The following TTLL11 variants were observed in gnomAD, a reference collection of about 807,000 sequenced individuals.
The protein encoded by TTLL11 is tubulin tyrosine ligase like 11, also known as tubulin polyglutamylase TTLL11.
TTLL11 carries 42 observed loss-of-function variants against 51.7 expected under a neutral mutation model. The ratio of observed to expected loss-of-function variants is 0.81; its 90% confidence interval spans 0.64 to 1.05. The LOEUF (loss-of-function observed/expected upper bound fraction) is 1.05. Among genes scored for constraint, TTLL11 ranks in the 50% least tolerant of loss-of-function variants. The probability of loss-of-function intolerance (pLI) is 0.00; values close to 1 mark genes in which losing one functional copy is unlikely to be tolerated. For missense variants in TTLL11, 799 were observed against 940.4 expected, an observed-to-expected ratio of 0.85 and a Z score of 1.97; for synonymous variants, 381 against 383.5, an observed-to-expected ratio of 0.99 and a Z score of 0.08.
At chr9:122,025,610 A>T (rs552140497) in intron 3 of TTLL11, among the ~76,000 whole-genome samples, 158 of 152,300 alleles carry the variant, frequency 1.0e-3, no homozygotes, top group South Asian at 2.3e-3. Flanking sequence ...ACAGAGCAAG[A>T]CCCACTCTTA....
intron 6 of TTLL11, among the ~76,000 whole-genome samples, chr9:121,895,388 T>C (rs963795911): frequency 3.3e-5 from 5 of 151,412 alleles, no homozygotes; most frequent in African/African-American, 4.9e-5. Flanking sequence ...GGTTGTATGA[T>C]TGTGTGTTTG....
rs148619472 is a variant in TTLL11, at chr9:121,927,170, A to AT, written c.1481+46838dup. ...TTGGTTTATAGCATAGCGTTGCTTC[A>AT]TGTCTCTATGCTTCTCTCCTCACCT... On this transcript the variant is annotated intron_variant, in intron 6 of 8. Transcript: ENST00000321582. 8.5e-3 allele frequency among the ~76,000 whole-genome samples: 1,288 copies of AT among 152,326 alleles called. 11 individuals carry two copies. The highest frequency in any genetic ancestry group is 0.03 in the African/African-American group (1,238 of 41,582).
At chr9:121,971,757 A>G (rs1318816393) in intron 6 of TTLL11, among the ~76,000 whole-genome samples, 1 of 150,614 alleles carries the variant, frequency 6.6e-6, no homozygotes, top group Non-Finnish European at 1.5e-5. Context: ...AAAAAAAAAA[A>G]AAAAGAAAAT....
intron 6 of TTLL11, among the ~76,000 whole-genome samples, chr9:121,903,685 T>C (rs1839841409): frequency 6.6e-6 from 1 of 152,226 alleles, no homozygotes; most frequent in Non-Finnish European, 1.5e-5. Flanking sequence ...TTATTTTTTA[T>C]AAAATGTTTT....
At chr9:122,091,919 C>G (rs531497289) in intron 1 of TTLL11, among the ~76,000 whole-genome samples, 1 of 152,302 alleles carries the variant, frequency 6.6e-6, no homozygotes, top group Non-Finnish European at 1.5e-5. Flanking sequence ...CCCTTTCATT[C>G]ACTGCTTACT....
chr9:122,083,281 T>G (rs996178760), intron 1 of TTLL11, among the ~76,000 whole-genome samples: 9 of 151,606 alleles, frequency 5.9e-5, no homozygotes, highest in Non-Finnish European at 8.8e-5. Context: ...TAAAAACCAG[T>G]GCAAATTCAC....
chr9:121,937,355 G>C (rs977912767), intron 6 of TTLL11, among the ~76,000 whole-genome samples: 2 of 152,062 alleles, frequency 1.3e-5, no homozygotes, highest in Non-Finnish European at 2.9e-5. Flanking sequence ...AGGTTAACTG[G>C]GGCATACAAA....
chr9:122,030,158 C>T (rs904546387), intron 3 of TTLL11, among the ~76,000 whole-genome samples: 1 of 139,228 alleles, frequency 7.2e-6, no homozygotes, highest in Non-Finnish European at 1.5e-5. Flanking sequence ...AAAGGTATTC[C>T]ACATAGCAAC....
chr9:121,982,450 C>T (rs1023853727), intron 4 of TTLL11, among the ~76,000 whole-genome samples: 5 of 152,158 alleles, frequency 3.3e-5, no homozygotes, highest in Non-Finnish European at 7.3e-5. Context: ...GGCATGGTGG[C>T]TCACACCTGT....
At position 122,073,186 on chromosome 9, in the gene TTLL11, G is replaced by C. The variant is rs144372639; in HGVS notation, c.462+19501C>G. Among the ~76,000 whole-genome samples, 242 of 152,224 alleles carry C rather than the reference G, an allele frequency of 1.6e-3. 1 individual carries two copies. Among genetic ancestry groups the C allele is most frequent in the African/African-American group, 5.4e-3 (226 of 41,542 alleles). On this transcript the variant is annotated intron_variant, in intron 1 of 8. Coordinates refer to ENST00000321582, the MANE Select transcript of TTLL11 (RefSeq NM_001139442.2). ...GCACTTTGGGAAGCTGAGATAGGCG[G>C]ATCACTTGAGATCAGGAATTTGAGA...
intron 1 of TTLL11, among the ~76,000 whole-genome samples, chr9:122,064,305 G>A (rs1352488680): frequency 1.3e-5 from 2 of 152,302 alleles, no homozygotes; most frequent in Admixed American, 1.3e-4. Context: ...GACTTAGGGG[G>A]AGGGGAGGAA....
chr9:122,080,486 C>T (rs1329837667), intron 1 of TTLL11, among the ~76,000 whole-genome samples: 1 of 151,856 alleles, frequency 6.6e-6, no homozygotes, highest in Non-Finnish European at 1.5e-5. Context: ...AGTTCAAGAC[C>T]AGCCTGGGCA....
chr9:122,025,130 G>A (rs904103280), intron 3 of TTLL11, among the ~76,000 whole-genome samples: 2 of 151,664 alleles, frequency 1.3e-5, no homozygotes, highest in Non-Finnish European at 2.9e-5. Context: ...AATTCTCAAA[G>A]CTCAATAATA....
At chr9:121,828,881 C>A (rs1836906349) in intron 8 of TTLL11, among the ~76,000 whole-genome samples, 1 of 152,022 alleles carries the variant, frequency 6.6e-6, no homozygotes, top group Non-Finnish European at 1.5e-5. Context: ...AGGAGGATCG[C>A]TTGAGCCCAG....
intron 6 of TTLL11, among the ~76,000 whole-genome samples, chr9:121,963,368 G>A (rs1161330202): frequency 1.3e-5 from 2 of 152,230 alleles, no homozygotes; most frequent in Non-Finnish European, 2.9e-5. Flanking sequence ...AGCCCAGCAT[G>A]TGCTGTGTTC....
chr9:121,938,384 G>GT (rs1220128521), intron 6 of TTLL11, among the ~76,000 whole-genome samples: 4 of 151,318 alleles, frequency 2.6e-5, no homozygotes, highest in African/African-American at 9.7e-5. Flanking sequence ...GAAATAAAAG[G>GT]TATAAGGACT....
intron 3 of TTLL11, among the ~76,000 whole-genome samples, chr9:122,016,031 A>G (rs1190873032): frequency 2.0e-5 from 3 of 152,176 alleles, no homozygotes; most frequent in Admixed American, 1.3e-4. Flanking sequence ...TAGCATAAGT[A>G]CCATGAAAAG....
In TTLL11 at chr9:121,819,209, T is replaced by G. The variant is rs1466961694; in HGVS notation, c.*3378A>C. ...GGTCTTTATAAGTATAAGCACCTAT[T>G]GCAGGCTCCATTTTGGCCAGGCCGT... On this transcript the variant is annotated 3_prime_UTR_variant, in exon 9 of 9. Transcript: ENST00000321582. The G allele has an allele frequency of 1.3e-5, 2 of 152,334 alleles. No individual in the cohort carries two copies. The highest frequency in any genetic ancestry group is 4.8e-5 in the African/African-American group (2 of 41,440). The allele number at this position is 152,334 out of a possible 1,614,324, so 9.4% of individuals were successfully genotyped here.
chr9:121,911,949 A>G (rs1004856370), intron 6 of TTLL11, among the ~76,000 whole-genome samples: 4 of 152,228 alleles, frequency 2.6e-5, no homozygotes, highest in African/African-American at 9.6e-5. Flanking sequence ...ATTTTAAAAA[A>G]AAGAATAACC....
Sources: allele counts gnomAD v4.1 joint callset (sites outside exome capture counted in the v4.1 genomes callset), GRCh38; gene constraint gnomAD v4.1.1; transcripts MANE v1.5; gene names NCBI Gene and HGNC (gene_info 2026-07-23, HGNC 2026-07-21).